The following PLCG2 variants were observed in gnomAD, a reference collection of about 807,000 sequenced individuals.
PLCG2 encodes the protein phospholipase C gamma 2, also known as 1-phosphatidylinositol 4,5-bisphosphate phosphodiesterase gamma-2.
In PLCG2, 69 loss-of-function variants were observed where a neutral mutation model predicts 175.6. That is an observed-to-expected ratio of 0.39 (90% CI 0.32 to 0.48). PLCG2 has a LOEUF of 0.48. Ranked by LOEUF, PLCG2 falls within the 20% of genes least tolerant of loss-of-function variation. PLCG2 has a pLI of 0.91. For synonymous variants in PLCG2, 827 were observed against 624.0 expected (o/e 1.33, Z -4.85); for missense variants, 1,798 against 1,650.9 (o/e 1.09, Z -1.54).
chr16:81,872,138 G>C (rs1361732936), intron 7 of PLCG2, among the ~76,000 whole-genome samples: 2 of 152,146 alleles, frequency 1.3e-5, no homozygotes, highest in African/African-American at 4.8e-5. Flanking sequence ...GATGAGCCTG[G>C]TCAACATGGC....
chr16:81,771,073 T>TA (rs1404409657), intron 2 of PLCG2, among the ~76,000 whole-genome samples: 2 of 145,882 alleles, frequency 1.4e-5, no homozygotes, highest in African/African-American at 5.1e-5. Context: ...AAAAAAAAAA[T>TA]AAATAAATAA....
chr16:81,850,096 A>T (rs570276877), intron 2 of PLCG2, among the ~76,000 whole-genome samples: 8 of 152,246 alleles, frequency 5.3e-5, no homozygotes, highest in Non-Finnish European at 1.0e-4. Flanking sequence ...AGGATTGAAG[A>T]TGTAATGACA....
intron 30 of PLCG2, among the ~76,000 whole-genome samples, chr16:81,944,344 T>G (rs1487122282): frequency 1.3e-5 from 2 of 152,108 alleles, no homozygotes; most frequent in Non-Finnish European, 2.9e-5. Context: ...GACTTTTTTC[T>G]TATTCCTTAA....
At chr16:81,743,770 G>C (rs1401252987) in intron 1 of PLCG2, among the ~76,000 whole-genome samples, 3 of 152,200 alleles carry the variant, frequency 2.0e-5, no homozygotes, top group Non-Finnish European at 2.9e-5. Flanking sequence ...GAAAGACTAA[G>C]TCCCAATGAC....
At chr16:81,835,398 G>C (rs912643704) in intron 2 of PLCG2, among the ~76,000 whole-genome samples, 1 of 151,782 alleles carries the variant, frequency 6.6e-6, no homozygotes, top group Non-Finnish European at 1.5e-5. Context: ...GAGTTTGAAA[G>C]CAGCCTGGCC....
intron 2 of PLCG2, among the ~76,000 whole-genome samples, chr16:81,756,694 G>A (rs147076356): frequency 1.2e-3 from 180 of 152,288 alleles, no homozygotes; most frequent in Non-Finnish European, 2.1e-3. Context: ...TTCGTGAGGC[G>A]GGTGTTATTG....
intron 2 of PLCG2, among the ~76,000 whole-genome samples, chr16:81,815,717 G>A (rs182965878): frequency 2.6e-5 from 4 of 152,192 alleles, no homozygotes; most frequent in South Asian, 2.1e-4. Context: ...TTCGATTCTC[G>A]CGGTCTTCTT....
intron 8 of PLCG2, 41 bp from the exon 9 acceptor site, chr16:81,883,228 A>T (rs781493580): frequency 8.2e-6 from 13 of 1,578,620 alleles, no homozygotes; most frequent in Admixed American, 6.7e-5. Context: ...CCTCTGTTGA[A>T]TGTGTCTGTC....
chr16:81,790,001 C>T (rs1335479692), intron 2 of PLCG2, among the ~76,000 whole-genome samples: 7 of 152,202 alleles, frequency 4.6e-5, no homozygotes, highest in Admixed American at 4.6e-4. Context: ...CTTCCAGTGC[C>T]CTTGGATGAG....
intron 2 of PLCG2, among the ~76,000 whole-genome samples, chr16:81,837,981 C>G (rs1378940001): frequency 6.6e-6 from 1 of 152,162 alleles, no homozygotes; most frequent in African/African-American, 2.4e-5. Flanking sequence ...GCATAGCATC[C>G]TATATCTGCC....
chr16:81,821,977 C>T (rs1450616247), intron 2 of PLCG2, among the ~76,000 whole-genome samples: 1 of 152,082 alleles, frequency 6.6e-6, no homozygotes, highest in African/African-American at 2.4e-5. Flanking sequence ...AATTCCTTAA[C>T]TTCGCTGAGC....
chr16:81,874,391 C>T (rs963344508), intron 7 of PLCG2, among the ~76,000 whole-genome samples: 5 of 152,204 alleles, frequency 3.3e-5, no homozygotes, highest in Non-Finnish European at 7.3e-5. Context: ...AGTTTGGTCA[C>T]TGCATTTTAA....
rs1395466604 is a variant in PLCG2, at chr16:81,912,733, G to A, written c.2054+17G>A. ...CACCTTCAGGTGGGTGCGAGGGTGG[G>A]AGGCACATGCTCTACAGAGGGGCTT... On this transcript the variant is annotated intron_variant, in intron 19 of 32. Coordinates refer to ENST00000564138, the MANE Select transcript of PLCG2 (RefSeq NM_002661.5). 1 of 1,584,116 alleles carries A rather than the reference G, an allele frequency of 6.3e-7. No individual in the cohort carries two copies. Among genetic ancestry groups the A allele is most frequent in the East Asian group, 2.3e-5 (1 of 44,298 alleles).
chr16:81,894,256 G>A (rs967317352), intron 12 of PLCG2, among the ~76,000 whole-genome samples: 6 of 151,812 alleles, frequency 4.0e-5, no homozygotes, highest in Admixed American at 2.0e-4. Context: ...TGGTGAGATC[G>A]TATCATTACG....
Position 81,939,250 on chromosome 16 carries a change from G to A in PLCG2, c.3313+335G>A, listed in dbSNP as rs535785250. On this transcript the variant is annotated intron_variant, in intron 29 of 32. Transcript: ENST00000564138. ...AGAGGCAGAGACACAGAGAGAGGGG[G>A]TGAACCTACGTGGCTGACCTGACCC... is the stretch of plus-strand genomic sequence containing the variant. Among the ~76,000 whole-genome samples the A allele has an allele frequency of 1.6e-4, 24 of 152,276 alleles. No individual in the cohort carries two copies. The South Asian group carries it at 4.4e-3, about 28-fold the overall frequency.
chr16:81,961,218 C>T lies in PLCG2; in HGVS notation c.*3220C>T, dbSNP rs1911766666. 1 of 226,238 alleles carries T rather than the reference C, an allele frequency of 4.4e-6. No homozygotes were observed. Among genetic ancestry groups the T allele is most frequent in the Non-Finnish European group, 8.8e-6 (1 of 113,896 alleles). 14.0% of individuals were successfully genotyped at this position (226,238 alleles called of 1,614,324 possible). Reference sequence around the variant, plus strand: ...TCTGCTATCATAAAGCTTCCGTTCCCATTGATGTATCTGTGTGAACAAGGA... The same window carrying T: ...TCTGCTATCATAAAGCTTCCGTTCCTATTGATGTATCTGTGTGAACAAGGA... On this transcript the variant is annotated 3_prime_UTR_variant, in exon 33 of 33. Coordinates refer to ENST00000564138, the MANE Select transcript of PLCG2 (RefSeq NM_002661.5).
At chr16:81,948,615 A>G (rs1911245434) in intron 31 of PLCG2, among the ~76,000 whole-genome samples, 1 of 152,220 alleles carries the variant, frequency 6.6e-6, no homozygotes, top group South Asian at 2.1e-4. Context: ...CTGGAGGTCC[A>G]GGACTGGGAG....
At chr16:81,872,950 C>A (rs967847347) in intron 7 of PLCG2, among the ~76,000 whole-genome samples, 1 of 152,146 alleles carries the variant, frequency 6.6e-6, no homozygotes, top group Non-Finnish European at 1.5e-5. Context: ...TGATGGGTGA[C>A]CACTGGCCGT....
chr16:81,939,181 C>T lies in PLCG2; in HGVS notation c.3313+266C>T, dbSNP rs569181757. ...GGCCCTGACACTAGGTTGGTCCTCT[C>T]TGTGCAACAGCCCAATCTGATTAAT... On this transcript the variant is annotated intron_variant, in intron 29 of 32. Transcript: ENST00000564138. Among the ~76,000 whole-genome samples, 131 of 152,264 alleles carry T rather than the reference C, an allele frequency of 8.6e-4. 1 individual carries two copies. Among genetic ancestry groups the T allele is most frequent in the African/African-American group, 3.0e-3 (126 of 41,548 alleles).
Sources: allele counts gnomAD v4.1 joint callset (sites outside exome capture counted in the v4.1 genomes callset), GRCh38; gene constraint gnomAD v4.1.1; transcripts MANE v1.5; gene names NCBI Gene and HGNC (gene_info 2026-07-23, HGNC 2026-07-21).